Variants in RIMS4 observed in about 807,000 individuals in gnomAD.
RIMS4 encodes regulating synaptic membrane exocytosis 4, also known as regulating synaptic membrane exocytosis protein 4.
RIMS4 carries 9 observed loss-of-function variants against 29.0 expected under a neutral mutation model. The ratio of observed to expected loss-of-function variants is 0.31; its 90% CI spans 0.19 to 0.54. The LOEUF (loss-of-function observed/expected upper bound fraction) is 0.54, where lower values mean the gene tolerates loss of function less well. RIMS4 is among the 20% of genes least tolerant of loss of function. The pLI, the probability that RIMS4 is intolerant of heterozygous loss-of-function variation, is 0.94. For synonymous variants in RIMS4, 130 were observed against 152.9 expected, an observed-to-expected ratio of 0.85 and a Z score of 1.10; for missense variants, 193 against 365.7, an observed-to-expected ratio of 0.53 and a Z score of 3.85.
At chr20:44,783,649 A>G (rs1450599227) in intron 1 of RIMS4, among the ~76,000 whole-genome samples, 1 of 152,144 alleles carries the variant, frequency 6.6e-6, no homozygotes, top group Non-Finnish European at 1.5e-5. Flanking sequence ...AAACAAAAAA[A>G]AAACAACAAA....
chr20:44,761,715 T>C (rs1388099586), intron 2 of RIMS4, among the ~76,000 whole-genome samples: 1 of 152,226 alleles, frequency 6.6e-6, no homozygotes. Flanking sequence ...AATAACCAGT[T>C]TCCACTTGAA....
At chr20:44,777,926 G>C (rs2066167487) in intron 1 of RIMS4, among the ~76,000 whole-genome samples, 1 of 152,158 alleles carries the variant, frequency 6.6e-6, no homozygotes, top group Non-Finnish European at 1.5e-5. Context: ...AAGGCACCAA[G>C]GCCCCTGGCT....
intron 1 of RIMS4, among the ~76,000 whole-genome samples, chr20:44,772,914 G>A (rs1050950819): frequency 1.3e-5 from 2 of 152,146 alleles, no homozygotes; most frequent in East Asian, 1.9e-4. Flanking sequence ...CTCCAGGATG[G>A]TCTCTCCTTC....
At chr20:44,796,974 G>A (rs952921474) in intron 1 of RIMS4, among the ~76,000 whole-genome samples, 1 of 152,148 alleles carries the variant, frequency 6.6e-6, no homozygotes, top group Non-Finnish European at 1.5e-5. Flanking sequence ...CTAACCCCTT[G>A]TCCTAGCCCA....
At chr20:44,802,117 C>T (rs919396463) in intron 1 of RIMS4, among the ~76,000 whole-genome samples, 4 of 152,286 alleles carry the variant, frequency 2.6e-5, no homozygotes, top group Admixed American at 1.3e-4. Context: ...TCAAGTTTGG[C>T]GGCCCTGCTC....
intron 1 of RIMS4, 63 bp downstream of exon 1, chr20:44,810,112 G>T: frequency 9.7e-7 from 1 of 1,028,294 alleles, no homozygotes; most frequent in South Asian, 1.4e-5. Flanking sequence ...GGGTCGGGGA[G>T]GGGGCTACCG....
chr20:44,781,171 CTT>C (rs1568901187), intron 1 of RIMS4, among the ~76,000 whole-genome samples: 1 of 152,190 alleles, frequency 6.6e-6, no homozygotes, highest in Non-Finnish European at 1.5e-5. Flanking sequence ...TCAACACACT[CTT>C]TACTAATTGC....
rs748617647 is a variant in RIMS4 at position 44,771,300 on chromosome 20, T to G, written c.211A>C (p.Met71Leu). 1.9e-6 allele frequency: 3 copies of G among 1,613,270 alleles called. No individual in the cohort carries two copies. The African/African-American group carries it at 4.0e-5, about 22-fold the overall frequency. The change falls in exon 2 of 6, where the codon ATG (methionine) becomes CTG (leucine). Residue 71 changes from methionine (M) to leucine (L), a missense_variant. Met to Leu is a conservative substitution (Grantham distance 15, BLOSUM62 2). Transcript: ENST00000372851. The part of the protein sequence containing the change: ...QASHESIEDS[M>L]NSYGSEGNLN... ...TTGCCCTCTGAGCCATAGCTGTTCA[T>G]GCTGTCCTCAATGGACTCGTGGCTG...
rs1056868267 is a variant in RIMS4 at position 44,755,418 on chromosome 20, T to A, written c.*716A>T. 2 of 152,678 alleles carry A rather than the reference T, an allele frequency of 1.3e-5. No individual in the cohort carries two copies. The highest frequency in any genetic ancestry group is 4.8e-5 in the African/African-American group (2 of 41,438). 9.5% of individuals were successfully genotyped at this position (152,678 alleles called of 1,614,324 possible). A position where few individuals can be genotyped will look rare whatever the true frequency, so the allele number is the denominator to read the frequency against. ...CGCCAGCGGTTCCTAAACTAGCTTG[T>A]TGCAATCCCATGGAGCGAGGCACCT... On this transcript the variant is annotated 3_prime_UTR_variant, in exon 6 of 6. Transcript: ENST00000372851.
At chr20:44,803,895 A>G (rs1249092308) in intron 1 of RIMS4, among the ~76,000 whole-genome samples, 3 of 152,166 alleles carry the variant, frequency 2.0e-5, no homozygotes, top group Non-Finnish European at 4.4e-5. Context: ...AAGGCACTCC[A>G]ATGGGTGGGT....
intron 1 of RIMS4, among the ~76,000 whole-genome samples, chr20:44,772,165 A>G (rs1303046245): frequency 6.6e-6 from 1 of 151,422 alleles, no homozygotes; most frequent in African/African-American, 2.4e-5. Context: ...TCAGCCGCCC[A>G]CTCCTTCCAT....
chr20:44,804,774 A>G (rs956681206), intron 1 of RIMS4, among the ~76,000 whole-genome samples: 1 of 152,056 alleles, frequency 6.6e-6, no homozygotes, highest in Non-Finnish European at 1.5e-5. Context: ...CCCCCTTCCC[A>G]CCAAACAGAA....
intron 2 of RIMS4, among the ~76,000 whole-genome samples, chr20:44,768,464 A>C (rs900636703): frequency 3.9e-5 from 6 of 152,204 alleles, no homozygotes; most frequent in Non-Finnish European, 8.8e-5. Flanking sequence ...AGAAGGGAGA[A>C]CAGTCCCTTC....
chr20:44,810,492 T>TGGCGGCGGCGGCGGCGGCGGCGGCGGC lies in RIMS4; in HGVS notation c.-222_-221insGCCGCCGCCGCCGCCGCCGCCGCCGCC, dbSNP rs1186589933. The stretch of plus-strand genomic sequence containing the variant: ...CGGAGCCCGAGGCGCGCTGTGCTGC[T>TGGCGGCGGCGGCGGCGGCGGCGGCGGC]GGCGGCGGCGGCGGCGGCGGCGGTG... On this transcript the variant is annotated 5_prime_UTR_variant, in exon 1 of 6. Coordinates refer to ENST00000372851, the MANE Select transcript of RIMS4 (RefSeq NM_182970.4). 1.9e-4 allele frequency among the ~76,000 whole-genome samples: 27 copies of TGGCGGCGGCGGCGGCGGCGGCGGCGGC among 138,764 alleles called. No individual in the cohort carries two copies. The highest frequency in any genetic ancestry group is 9.0e-4 in the South Asian group (4 of 4,456). The allele number at this position is 138,764 out of a possible 152,430, so 91.0% of individuals were successfully genotyped here.
rs8122785 is a variant in RIMS4, at chr20:44,769,672, G to A, written c.236+1603C>T. Among the ~76,000 whole-genome samples, 1,025 of 152,192 alleles carry A rather than the reference G, an allele frequency of 6.7e-3. 11 individuals carry two copies. The highest frequency in any genetic ancestry group is 0.023 in the African/African-American group (951 of 41,506). On this transcript the variant is annotated intron_variant, in intron 2 of 5. Coordinates refer to ENST00000372851, the MANE Select transcript of RIMS4 (RefSeq NM_182970.4). ...CTTCCGCTGTCCTCCTCCTGTTCTCGCCCACGGGAAAGTCTCGCTAGGAGG... is the reference window on the plus strand; with the variant it reads ...CTTCCGCTGTCCTCCTCCTGTTCTCACCCACGGGAAAGTCTCGCTAGGAGG...
intron 4 of RIMS4, among the ~76,000 whole-genome samples, 166 bp from the exon 5 acceptor site, chr20:44,757,203 A>C (rs993307089): frequency 6.6e-6 from 1 of 151,954 alleles, no homozygotes; most frequent in Non-Finnish European, 1.5e-5. Context: ...TGGGGGCAGC[A>C]GGTACAGCTG....
chr20:44,762,195 G>A (rs533810416), intron 2 of RIMS4, among the ~76,000 whole-genome samples: 1 of 152,312 alleles, frequency 6.6e-6, no homozygotes, highest in East Asian at 1.9e-4. Context: ...GATCTGACAG[G>A]AGGCAGAGCT....
chr20:44,773,214 C>T (rs978194096), intron 1 of RIMS4, among the ~76,000 whole-genome samples: 1 of 152,122 alleles, frequency 6.6e-6, no homozygotes, highest in Non-Finnish European at 1.5e-5. Flanking sequence ...ATCTTCCCTG[C>T]GTGTTTCTGA....
chr20:44,787,235 G>A (rs1236052179), intron 1 of RIMS4, among the ~76,000 whole-genome samples: 7 of 152,056 alleles, frequency 4.6e-5, no homozygotes, highest in Admixed American at 4.6e-4. Context: ...GATGGGGCAG[G>A]AGGAGAGGGC....
Sources: allele counts gnomAD v4.1 joint callset (sites outside exome capture counted in the v4.1 genomes callset), GRCh38; gene constraint gnomAD v4.1.1; transcripts MANE v1.5; gene names NCBI Gene and HGNC (gene_info 2026-07-23, HGNC 2026-07-21).